Variants in LIN52 observed in about 807,000 individuals in gnomAD.
LIN52 encodes protein lin-52 homolog.
In LIN52, 4 loss-of-function variants were observed where a neutral mutation model predicts 18.5. The observed-to-expected ratio is 0.22, with a 90% CI of 0.11 to 0.49. LIN52 has a LOEUF of 0.49. Ranked by LOEUF, LIN52 falls within the 20% of genes least tolerant of loss-of-function variation. LIN52 has a pLI of 0.97. For synonymous variants in LIN52, 34 were observed against 45.5 expected (o/e 0.75, Z 1.02); for missense variants, 102 against 139.5 (o/e 0.73, Z 1.35).
intron 5 of LIN52, among the ~76,000 whole-genome samples, chr14:74,183,128 C>A (rs113262209): frequency 6.7e-6 from 1 of 149,642 alleles, no homozygotes; most frequent in Non-Finnish European, 1.5e-5. Context: ...GACGGAGTCT[C>A]ACTCTGTCGC....
chr14:74,137,247 C>T (rs147630796), intron 5 of LIN52, among the ~76,000 whole-genome samples: 3,064 of 150,308 alleles, frequency 0.02, 42 homozygotes, highest in Non-Finnish European at 0.032. Flanking sequence ...GACATCATGG[C>T]ACTTTACCCC....
intron 5 of LIN52, among the ~76,000 whole-genome samples, chr14:74,119,201 G>T (rs1359933957): frequency 8.3e-6 from 1 of 120,552 alleles, no homozygotes; most frequent in African/African-American, 3.2e-5. Context: ...TTGCTCTGTT[G>T]CCCAGGCTGG....
intron 5 of LIN52, among the ~76,000 whole-genome samples, chr14:74,181,138 AAAG>A (rs2061317118): frequency 1.3e-5 from 2 of 151,152 alleles, no homozygotes; most frequent in African/African-American, 2.4e-5. Flanking sequence ...AGAAAAAAGA[AAAG>A]AAAAGGAAAG....
intron 5 of LIN52, among the ~76,000 whole-genome samples, chr14:74,158,499 A>T: frequency 6.6e-6 from 1 of 150,704 alleles, no homozygotes; most frequent in Non-Finnish European, 1.5e-5. Context: ...TATTTTTGAG[A>T]CAGAGTTTTG....
chr14:74,146,728 T>A (rs1202974966), intron 5 of LIN52, among the ~76,000 whole-genome samples: 1 of 152,058 alleles, frequency 6.6e-6, no homozygotes, highest in Non-Finnish European at 1.5e-5. Context: ...AGCAAAACAA[T>A]CTTGAAAAAG....
intron 5 of LIN52, among the ~76,000 whole-genome samples, chr14:74,167,517 C>T (rs1159946635): frequency 6.6e-6 from 1 of 152,150 alleles, no homozygotes; most frequent in South Asian, 2.1e-4. Context: ...CCACCCGCCT[C>T]AGCCTCCCAA....
At chr14:74,128,265 A>G (rs556058691) in intron 5 of LIN52, among the ~76,000 whole-genome samples, 5 of 152,238 alleles carry the variant, frequency 3.3e-5, no homozygotes, top group African/African-American at 1.2e-4. Context: ...GAGAGTGTGG[A>G]GAGGCCAAGA....
At chr14:74,122,856 A>G (rs190732766) in intron 5 of LIN52, among the ~76,000 whole-genome samples, 351 of 151,936 alleles carry the variant, frequency 2.3e-3, no homozygotes, top group African/African-American at 6.1e-3. Context: ...TGACAGAGTG[A>G]GACTCTGTCT....
chr14:74,192,049 TATGCCTTCATTCACACAGATGCAA>T (rs2078880300), intron 5 of LIN52, among the ~76,000 whole-genome samples: 2 of 152,226 alleles, frequency 1.3e-5, no homozygotes, highest in South Asian at 4.1e-4. Flanking sequence ...TACACCACAG[TATGCCTTCATTCACACAGATGCAA>T]GTCATTTGTG....
intron 5 of LIN52, among the ~76,000 whole-genome samples, chr14:74,164,138 T>C (rs12588699): frequency 0.17 from 26,210 of 151,866 alleles, 2,765 homozygotes; most frequent in East Asian, 0.58. Flanking sequence ...CCCGCCACCA[T>C]GCCCGGCTAA....
At chr14:74,134,586 C>A (rs1350145485) in intron 5 of LIN52, among the ~76,000 whole-genome samples, 1 of 152,166 alleles carries the variant, frequency 6.6e-6, no homozygotes. Context: ...GGTGACTTCC[C>A]TTTCCTATCA....
In LIN52 at chr14:74,185,309, C is replaced by CTTTTTTTTTTTTT. The variant is rs71115969; in HGVS notation, c.284-13602_284-13590dup. Reference sequence around the variant, plus strand: ...AATATATTTGATTTTATAATGATTTCTTTTTTTTTTTTTTTTTTTTTTTGA... The same window carrying CTTTTTTTTTTTTT: ...AATATATTTGATTTTATAATGATTTCTTTTTTTTTTTTTTTTTTTTTTTTTTTTTTTTTTTTGA... On this transcript the variant is annotated intron_variant, in intron 5 of 5. Transcript: ENST00000555028. Among the ~76,000 whole-genome samples the CTTTTTTTTTTTTT allele has an allele frequency of 1.4e-4, 11 of 78,786 alleles. 1 individual carries two copies. Among genetic ancestry groups the CTTTTTTTTTTTTT allele is most frequent in the African/African-American group, 3.7e-4 (7 of 18,868 alleles). The allele number at this position is 78,786 out of a possible 152,430, so 51.7% of individuals were successfully genotyped here.
intron 5 of LIN52, among the ~76,000 whole-genome samples, chr14:74,134,814 G>C (rs1027654560): frequency 1.3e-5 from 2 of 152,164 alleles, no homozygotes; most frequent in African/African-American, 4.8e-5. Flanking sequence ...CATTTACCAT[G>C]AGAAAGGCAG....
At chr14:74,189,001 G>A (rs2061351830) in intron 5 of LIN52, among the ~76,000 whole-genome samples, 1 of 152,140 alleles carries the variant, frequency 6.6e-6, no homozygotes, top group South Asian at 2.1e-4. Flanking sequence ...GATAGACAGG[G>A]CAGGAAAGTT....
intron 5 of LIN52, among the ~76,000 whole-genome samples, chr14:74,122,993 C>T (rs1382882425): frequency 6.6e-6 from 1 of 152,100 alleles, no homozygotes; most frequent in Non-Finnish European, 1.5e-5. Flanking sequence ...GATTTGTTGC[C>T]TTAGAGTATT....
intron 5 of LIN52, among the ~76,000 whole-genome samples, chr14:74,149,197 T>C (rs1254760076): frequency 6.6e-6 from 1 of 152,168 alleles, no homozygotes; most frequent in African/African-American, 2.4e-5. Flanking sequence ...TTAGGCAGCA[T>C]GGTTTTAAAA....
chr14:74,096,891 T>A (rs2060817604), intron 3 of LIN52, among the ~76,000 whole-genome samples: 1 of 152,200 alleles, frequency 6.6e-6, no homozygotes, highest in Non-Finnish European at 1.5e-5. Context: ...GTTACACAGG[T>A]GATTCTCGTG....
intron 5 of LIN52, among the ~76,000 whole-genome samples, chr14:74,158,359 C>T (rs1043189488): frequency 1.3e-5 from 2 of 152,110 alleles, no homozygotes; most frequent in African/African-American, 2.4e-5. Context: ...GTAATCCTCT[C>T]GCCTCAGCCT....
chr14:74,192,150 A>G (rs2078880947), intron 5 of LIN52, among the ~76,000 whole-genome samples: 1 of 152,060 alleles, frequency 6.6e-6, no homozygotes, highest in Non-Finnish European at 1.5e-5. Context: ...TCCTGGTGCT[A>G]TGTATGTGCT....
Sources: gnomAD v4.1 joint callset for allele counts (sites outside exome capture counted in the v4.1 genomes callset) on GRCh38, gnomAD v4.1.1 for gene constraint, MANE v1.5 for transcripts, NCBI Gene and HGNC (gene_info 2026-07-23, HGNC 2026-07-21) for gene names.